ZFAT: variants seen among roughly 807,000 people sequenced by gnomAD.
ZFAT encodes zinc finger protein ZFAT.
A neutral mutation model predicts 117.7 loss-of-function variants in ZFAT; 64 were observed. The observed-to-expected ratio is 0.54, with a 90% CI of 0.44 to 0.67. The LOEUF (loss-of-function observed/expected upper bound fraction) is 0.67. Among genes scored for constraint, ZFAT ranks in the 30% least tolerant of loss-of-function variants. ZFAT has a pLI of 0.00. For synonymous variants in ZFAT, 679 were observed against 615.0 expected, an observed-to-expected ratio of 1.10 and a Z score of -1.54; for missense variants, 1,433 against 1,584.5, an observed-to-expected ratio of 0.90 and a Z score of 1.62.
At chr8:134,578,389 C>T (rs557013223) in intron 10 of ZFAT, among the ~76,000 whole-genome samples, 5 of 128,258 alleles carry the variant, frequency 3.9e-5, no homozygotes, top group East Asian at 4.5e-4. Context: ...CCAGCCTGGG[C>T]GACAAGAGCG....
chr8:134,828,374 G>C, the ZFAT span, among the ~76,000 whole-genome samples: 1 of 152,104 alleles, frequency 6.6e-6, no homozygotes, highest in Non-Finnish European at 1.5e-5. Context: ...ATAATTTCTT[G>C]CTTTCTAATG....
At chr8:134,496,718 A>G (rs1348604469) in intron 15 of ZFAT, among the ~76,000 whole-genome samples, 7 of 152,246 alleles carry the variant, frequency 4.6e-5, no homozygotes, top group Non-Finnish European at 1.0e-4. Context: ...GCTGGGGGGA[A>G]AAGCCATGTG....
the ZFAT span, among the ~76,000 whole-genome samples, chr8:134,738,899 G>A: frequency 0.87 from 132,645 of 152,256 alleles, 58,036 homozygotes; most frequent in Non-Finnish European, 0.89. Flanking sequence ...ACAAGGCACA[G>A]AACCTGTGCT....
chr8:134,521,539 G>A (rs139103065), intron 12 of ZFAT, among the ~76,000 whole-genome samples: 33 of 152,030 alleles, frequency 2.2e-4, no homozygotes, highest in African/African-American at 7.5e-4. Flanking sequence ...GTCACATCCT[G>A]AAACGTCATT....
intron 11 of ZFAT, among the ~76,000 whole-genome samples, chr8:134,554,701 C>G (rs973967407): frequency 3.3e-5 from 5 of 152,196 alleles, no homozygotes; most frequent in African/African-American, 9.7e-5. Flanking sequence ...TGGAGAGAGA[C>G]AGAAACTCTG....
At chr8:134,617,511 C>T (rs560893353) in intron 3 of ZFAT, among the ~76,000 whole-genome samples, 240 of 152,284 alleles carry the variant, frequency 1.6e-3, no homozygotes, top group Middle Eastern at 6.8e-3. Context: ...CTAAGAACCA[C>T]GACAGAAAGT....
chr8:134,608,393 G>C (rs1490275732), intron 5 of ZFAT, among the ~76,000 whole-genome samples: 1 of 152,174 alleles, frequency 6.6e-6, no homozygotes, highest in East Asian at 1.9e-4. Context: ...AGTAAGTGAA[G>C]CTATAAATGT....
At chr8:134,502,576 C>A (rs1819077033) in intron 15 of ZFAT, among the ~76,000 whole-genome samples, 1 of 152,220 alleles carries the variant, frequency 6.6e-6, no homozygotes, top group Admixed American at 6.5e-5. Flanking sequence ...AGGGTGGGGG[C>A]TCTGCCTGCT....
At chr8:134,545,385 C>G (rs756844233) in intron 11 of ZFAT, among the ~76,000 whole-genome samples, 1 of 151,904 alleles carries the variant, frequency 6.6e-6, no homozygotes, top group Non-Finnish European at 1.5e-5. Context: ...TGTGATGGCA[C>G]ACGTCCTCCT....
the ZFAT span, chr8:134,793,351 C>T: frequency 6.6e-6 from 1 of 152,154 alleles, no homozygotes; most frequent in Non-Finnish European, 1.5e-5. Flanking sequence ...GTTCCAAGAT[C>T]AATATACTAT....
At chr8:134,709,812 G>T (rs181829391) in intron 1 of ZFAT, among the ~76,000 whole-genome samples, 1 of 152,184 alleles carries the variant, frequency 6.6e-6, no homozygotes, top group African/African-American at 2.4e-5. Flanking sequence ...TCCTTTCACC[G>T]GAGGCAAATG....
the ZFAT span, among the ~76,000 whole-genome samples, chr8:134,722,420 G>A: frequency 4.6e-5 from 7 of 152,292 alleles, no homozygotes; most frequent in African/African-American, 4.8e-5. Flanking sequence ...AGTTGTTCCC[G>A]GCAGCCTCCA....
intron 12 of ZFAT, among the ~76,000 whole-genome samples, chr8:134,524,411 A>G (rs1002893954): frequency 2.6e-5 from 4 of 152,348 alleles, no homozygotes; most frequent in Admixed American, 2.6e-4. Context: ...TGGGAGAGTA[A>G]CTGCCCTATT....
chr8:134,502,173 C>G (rs1396542792), intron 15 of ZFAT, among the ~76,000 whole-genome samples: 1 of 152,192 alleles, frequency 6.6e-6, no homozygotes, highest in Non-Finnish European at 1.5e-5. Context: ...AACATCTGCC[C>G]CCCGATGGGA....
At chr8:134,488,689 A>G (rs1225310381) in intron 15 of ZFAT, among the ~76,000 whole-genome samples, 1 of 148,740 alleles carries the variant, frequency 6.7e-6, no homozygotes, top group Non-Finnish European at 1.5e-5. Flanking sequence ...TGCCACCAAC[A>G]GGCTGCAGTT....
At chr8:134,568,793 C>A (rs1306443831) in intron 10 of ZFAT, among the ~76,000 whole-genome samples, 3 of 152,216 alleles carry the variant, frequency 2.0e-5, no homozygotes, top group African/African-American at 2.4e-5. Flanking sequence ...GGGAGGGCAT[C>A]TGACATAATT....
chr8:134,712,935 G>T lies in ZFAT; in HGVS notation c.-72C>A. On this transcript the variant is annotated 5_prime_UTR_variant, in exon 1 of 16. Coordinates refer to ENST00000377838, the MANE Select transcript of ZFAT (RefSeq NM_020863.4). ...GCCCCCTCCCGTGCCGACCGAGGGG[G>T]CGGGGCGCCCTGCTGACGCTTCGCT... The T allele has an allele frequency of 6.9e-7, 1 of 1,443,442 alleles. No homozygotes were observed. The highest frequency in any genetic ancestry group is 9.1e-7 in the Non-Finnish European group (1 of 1,097,544). 89.4% of individuals were successfully genotyped at this position (1,443,442 alleles called of 1,614,324 possible). A position where few individuals can be genotyped will look rare whatever the true frequency, so the allele number is the denominator to read the frequency against.
At chr8:134,522,907 A>G (rs867530147) in intron 12 of ZFAT, among the ~76,000 whole-genome samples, 13 of 152,310 alleles carry the variant, frequency 8.5e-5, no homozygotes, top group Non-Finnish European at 1.8e-4. Context: ...CACAATGAGA[A>G]TATCAGGTAA....
chr8:134,659,683 C>T (rs1831833447), intron 1 of ZFAT, among the ~76,000 whole-genome samples: 1 of 152,186 alleles, frequency 6.6e-6, no homozygotes, highest in Non-Finnish European at 1.5e-5. Context: ...ATTCTCCCAT[C>T]TTAAAATGAA....
Sources: gnomAD v4.1 joint callset for allele counts (sites outside exome capture counted in the v4.1 genomes callset) on GRCh38, gnomAD v4.1.1 for gene constraint, MANE v1.5 for transcripts, NCBI Gene and HGNC (gene_info 2026-07-23, HGNC 2026-07-21) for gene names.